The following C16orf87 variants were observed in gnomAD, a reference collection of about 807,000 sequenced individuals.
C16orf87 encodes UPF0547 protein C16orf87.
In C16orf87, 13 loss-of-function variants were observed where a neutral mutation model predicts 21.0. That is an observed-to-expected ratio of 0.62 (90% CI 0.40 to 0.98). The LOEUF is 0.98. Ranked by LOEUF, C16orf87 falls within the 50% of genes least tolerant of loss-of-function variation. The pLI is 0.00. For missense variants in C16orf87, 113 were observed against 180.4 expected (o/e 0.63, Z 2.14); for synonymous variants, 49 against 60.2 (o/e 0.81, Z 0.86).
chr16:46,827,951 T>A (rs1188000452), intron 1 of C16orf87, among the ~76,000 whole-genome samples: 7 of 151,384 alleles, frequency 4.6e-5, no homozygotes, highest in Non-Finnish European at 2.9e-5. Context: ...TTTACTTTTT[T>A]TTTTTGAGAC....
Position 46,796,616 on chromosome 16 carries a change from T to C in C16orf87, c.*6336A>G, listed in dbSNP as rs746646486. ...TATACATGATAATGCATATGTTCAT[T>C]ATCTTTACTTTAGACATCCTACAAT... On this transcript the variant is annotated 3_prime_UTR_variant, in exon 4 of 4. Coordinates refer to ENST00000285697, the MANE Select transcript of C16orf87 (RefSeq NM_001001436.4). 5.3e-5 allele frequency: 8 copies of C among 152,248 alleles called. No homozygotes were observed. Among genetic ancestry groups the C allele is most frequent in the Non-Finnish European group, 1.0e-4 (7 of 68,042 alleles). 9.4% of individuals were successfully genotyped at this position (152,248 alleles called of 1,614,324 possible).
rs879510775 is a variant in C16orf87 at position 46,800,801 on chromosome 16, G to GA, written c.*2150dup. 1 of 152,076 alleles carries GA rather than the reference G, an allele frequency of 6.6e-6. No individual in the cohort carries two copies. The highest frequency in any genetic ancestry group is 6.5e-5 in the Admixed American group (1 of 15,270). The allele number at this position is 152,076 out of a possible 1,614,324, so 9.4% of individuals were successfully genotyped here. A position where few individuals can be genotyped will look rare whatever the true frequency, so the allele number is the denominator to read the frequency against. ...GAAAGCTCATAGAGTACAATTTTTT[G>GA]AAAAATTGGTTAAATAGGTTATGTC... On this transcript the variant is annotated 3_prime_UTR_variant, in exon 4 of 4. Coordinates refer to ENST00000285697, the MANE Select transcript of C16orf87 (RefSeq NM_001001436.4).
chr16:46,803,898 C>T (rs1385234192), intron 3 of C16orf87, among the ~76,000 whole-genome samples: 1 of 152,092 alleles, frequency 6.6e-6, no homozygotes, highest in African/African-American at 2.4e-5. Context: ...GATTCACTTT[C>T]CACCAGGGAA....
At chr16:46,827,635 T>C (rs1232663362) in intron 1 of C16orf87, among the ~76,000 whole-genome samples, 1 of 151,966 alleles carries the variant, frequency 6.6e-6, no homozygotes, top group Non-Finnish European at 1.5e-5. Flanking sequence ...CAGGCTGGAG[T>C]GCAATGGCGC....
rs1182708137 is a variant in C16orf87, at chr16:46,801,415, G to C, written c.*1537C>G. 1 of 152,120 alleles carries C rather than the reference G, an allele frequency of 6.6e-6. No individual in the cohort carries two copies. Among genetic ancestry groups the C allele is most frequent in the East Asian group, 1.9e-4 (1 of 5,186 alleles). 9.4% of individuals were successfully genotyped at this position (152,120 alleles called of 1,614,324 possible). ...CACGCCTCTAGTCACAGCTACTCAG[G>C]AGGCTGAGGCATAAGAATCACTTGA... is the stretch of plus-strand genomic sequence containing the variant. On this transcript the variant is annotated 3_prime_UTR_variant, in exon 4 of 4. Coordinates refer to ENST00000285697, the MANE Select transcript of C16orf87 (RefSeq NM_001001436.4).
chr16:46,825,617 T>G (rs1360162398), intron 1 of C16orf87, among the ~76,000 whole-genome samples: 1 of 152,116 alleles, frequency 6.6e-6, no homozygotes, highest in African/African-American at 2.4e-5. Context: ...AATTAAATTA[T>G]TATTGACTAT....
chr16:46,825,706 G>GT (rs1162632676), intron 1 of C16orf87, among the ~76,000 whole-genome samples: 1 of 152,070 alleles, frequency 6.6e-6, no homozygotes, highest in African/African-American at 2.4e-5. Context: ...GAGGTCAGGA[G>GT]TTTGAGACCA....
chr16:46,822,854 T>C (rs551332676), intron 2 of C16orf87, among the ~76,000 whole-genome samples: 1 of 152,232 alleles, frequency 6.6e-6, no homozygotes, highest in South Asian at 2.1e-4. Context: ...TCAGGGACAG[T>C]TTCTCCTCAC....
rs145767983 is a variant in C16orf87 at position 46,805,245 on chromosome 16, C to G, written c.347-2175G>C. On this transcript the variant is annotated intron_variant, in intron 3 of 3. Transcript: ENST00000285697. Reference sequence around the variant, plus strand: ...CCTTATCTGAAACTTTAATTATTTACAGATGTCAGACCTCATACTGGTCCT... The same window carrying G: ...CCTTATCTGAAACTTTAATTATTTAGAGATGTCAGACCTCATACTGGTCCT... Among the ~76,000 whole-genome samples the G allele has an allele frequency of 8.9e-3, 1,350 of 152,260 alleles. 5 individuals carry two copies. Among genetic ancestry groups the G allele is most frequent in the Admixed American group, 0.016 (245 of 15,300 alleles).
rs1967813967 is a variant in C16orf87 at position 46,802,789 on chromosome 16, A to G, written c.*163T>C. 8.9e-6 allele frequency: 5 copies of G among 562,332 alleles called. No individual in the cohort carries two copies. In the South Asian group the frequency reaches 1.2e-4, roughly 14 times the overall value. 34.8% of individuals were successfully genotyped at this position (562,332 alleles called of 1,614,324 possible). A position where few individuals can be genotyped will look rare whatever the true frequency, so the allele number is the denominator to read the frequency against. ...AAATCCCAGAACAGTCCAAGCCTAC[A>G]CAGCTTTGCTCCCGAAGTGTGGCAC... On this transcript the variant is annotated 3_prime_UTR_variant, in exon 4 of 4. Coordinates refer to ENST00000285697, the MANE Select transcript of C16orf87 (RefSeq NM_001001436.4).
intron 3 of C16orf87, among the ~76,000 whole-genome samples, chr16:46,809,019 C>CAAAA (rs776311594): frequency 1.7e-4 from 9 of 51,550 alleles, no homozygotes; most frequent in East Asian, 1.6e-3. Flanking sequence ...CTTTAAAAGA[C>CAAAA]AAAAAAAAAA....
intron 3 of C16orf87, chr16:46,808,230 T>C (rs1413535503): frequency 5.0e-6 from 2 of 401,374 alleles, no homozygotes; most frequent in Admixed American, 3.1e-5. Context: ...CCAAGGAATA[T>C]GGAGTACCTT....
chr16:46,821,288 T>C (rs1317977584), intron 2 of C16orf87, among the ~76,000 whole-genome samples: 1 of 152,216 alleles, frequency 6.6e-6, no homozygotes, highest in Non-Finnish European at 1.5e-5. Flanking sequence ...CTAGGCTGCT[T>C]AGAAAGGGAC....
At chr16:46,821,068 CT>C (rs1959395747) in intron 2 of C16orf87, among the ~76,000 whole-genome samples, 1 of 152,106 alleles carries the variant, frequency 6.6e-6, no homozygotes, top group African/African-American at 2.4e-5. Context: ...TTGTAGTGAC[CT>C]TAAACTCTTC....
chr16:46,812,367 C>T (rs892520849), intron 2 of C16orf87, among the ~76,000 whole-genome samples: 1 of 151,926 alleles, frequency 6.6e-6, no homozygotes, highest in African/African-American at 2.4e-5. Flanking sequence ...GAACACAAGT[C>T]GGATATTTAT....
rs1183099678 is a variant in C16orf87 at position 46,831,176 on chromosome 16, G to C, written c.-27C>G. 6.5e-7 allele frequency: 1 copy of C among 1,545,614 alleles called. No individual in the cohort carries two copies. The highest frequency in any genetic ancestry group is 8.8e-7 in the Non-Finnish European group (1 of 1,139,956). On this transcript the variant is annotated 5_prime_UTR_variant, in exon 1 of 4. Coordinates refer to ENST00000285697, the MANE Select transcript of C16orf87 (RefSeq NM_001001436.4). ...CTCCTCTCCCTTAGCGGCGGCAGCA[G>C]CGACGGCTCGGGCTCCTCCCCTCAC...
rs118117606 is a variant in C16orf87 at position 46,824,236 on chromosome 16, G to A, written c.163+150C>T. The A allele has an allele frequency of 4.9e-4, 270 of 553,382 alleles. 2 individuals are homozygous for A. The East Asian group carries it at 8.2e-3, about 17-fold the overall frequency. 34.3% of individuals were successfully genotyped at this position (553,382 alleles called of 1,614,324 possible). On this transcript the variant is annotated intron_variant, in intron 2 of 3. Coordinates refer to ENST00000285697, the MANE Select transcript of C16orf87 (RefSeq NM_001001436.4). Reference sequence around the variant, plus strand: ...ATGGAATGCACATGAAACCAACGTCGTAAACTAATTCCAATAGTTAATAAA... The same window carrying A: ...ATGGAATGCACATGAAACCAACGTCATAAACTAATTCCAATAGTTAATAAA...
intron 1 of C16orf87, chr16:46,830,760 C>T (rs1211162847): frequency 1.6e-5 from 4 of 243,380 alleles, no homozygotes; most frequent in Non-Finnish European, 2.4e-5. Flanking sequence ...CCACCGCTGT[C>T]ACCGCCGCCG....
intron 3 of C16orf87, among the ~76,000 whole-genome samples, chr16:46,804,675 GACAA>G (rs1023061852): frequency 4.6e-5 from 7 of 152,120 alleles, no homozygotes; most frequent in Non-Finnish European, 4.4e-5. Context: ...GAGGAGTTCT[GACAA>G]ACATATACAA....
Sources: gnomAD v4.1 joint callset for allele counts (sites outside exome capture counted in the v4.1 genomes callset) on GRCh38, gnomAD v4.1.1 for gene constraint, MANE v1.5 for transcripts, NCBI Gene and HGNC (gene_info 2026-07-23, HGNC 2026-07-21) for gene names.